The following BNC2 variants were observed in gnomAD, a reference collection of about 807,000 sequenced individuals.
BNC2 encodes the protein zinc finger protein basonuclin-2.
In BNC2, 20 loss-of-function variants were observed where a neutral mutation model predicts 76.3. That is an observed-to-expected ratio of 0.26 (90% CI 0.18 to 0.38). The LOEUF (loss-of-function observed/expected upper bound fraction) is 0.38. BNC2 is among the 10% of genes least tolerant of loss of function. BNC2 has a pLI of 1.00. For synonymous variants in BNC2, 582 were observed against 514.8 expected, an observed-to-expected ratio of 1.13 and a Z score of -1.77; for missense variants, 1,382 against 1,399.8, an observed-to-expected ratio of 0.99 and a Z score of 0.20.
intron 5 of BNC2, among the ~76,000 whole-genome samples, chr9:16,472,951 C>G (rs143952168): frequency 1.4e-3 from 206 of 152,274 alleles, no homozygotes; most frequent in African/African-American, 4.7e-3. Context: ...GGGTCATCCA[C>G]AGAGAGGCAG....
chr9:16,780,665 T>C (rs945942436), intron 1 of BNC2, among the ~76,000 whole-genome samples: 1 of 152,174 alleles, frequency 6.6e-6, no homozygotes, highest in Non-Finnish European at 1.5e-5. Flanking sequence ...TAACACTTAT[T>C]GGTTATCTAT....
intron 5 of BNC2, among the ~76,000 whole-genome samples, chr9:16,529,110 G>A (rs771233142): frequency 2.6e-5 from 4 of 152,076 alleles, no homozygotes; most frequent in Non-Finnish European, 5.9e-5. Context: ...TATCTTACAC[G>A]GATACACAGG....
intron 1 of BNC2, among the ~76,000 whole-genome samples, chr9:16,834,267 A>G (rs1215298042): frequency 6.6e-6 from 1 of 152,242 alleles, no homozygotes; most frequent in Admixed American, 6.5e-5. Flanking sequence ...AACTATACTA[A>G]TAAAAAATTC....
chr9:16,422,470 G>T (rs185725918), intron 6 of BNC2, among the ~76,000 whole-genome samples: 17 of 152,276 alleles, frequency 1.1e-4, no homozygotes, highest in Admixed American at 6.5e-4. Flanking sequence ...TTCAGTACAC[G>T]GGTTCATTCA....
At chr9:16,485,237 A>T (rs913730684) in intron 5 of BNC2, among the ~76,000 whole-genome samples, 5 of 152,302 alleles carry the variant, frequency 3.3e-5, no homozygotes, top group Non-Finnish European at 7.3e-5. Flanking sequence ...TAACCATCTA[A>T]TACAATTGTT....
intron 5 of BNC2, among the ~76,000 whole-genome samples, chr9:16,517,917 G>A (rs571021375): frequency 6.6e-6 from 1 of 151,826 alleles, no homozygotes; most frequent in Admixed American, 6.6e-5. Flanking sequence ...AAACCAATCC[G>A]AAATGGTACT....
chr9:16,609,669 A>C (rs1262786908), intron 3 of BNC2, among the ~76,000 whole-genome samples: 1 of 152,126 alleles, frequency 6.6e-6, no homozygotes, highest in Admixed American at 6.6e-5. Flanking sequence ...TGCTTTATGG[A>C]ATTTATCTAT....
rs539443015 is a variant in BNC2, at chr9:16,661,202, C to A, written c.330+66595G>T. Among the ~76,000 whole-genome samples the A allele has an allele frequency of 8.5e-5, 13 of 152,234 alleles. No individual in the cohort carries two copies. The South Asian group carries it at 2.7e-3, about 32-fold the overall frequency. On this transcript the variant is annotated intron_variant, in intron 3 of 6. Coordinates refer to ENST00000380672, the MANE Select transcript of BNC2 (RefSeq NM_017637.6). The stretch of plus-strand genomic sequence containing the variant: ...GTGAGCCCTTACCTCATTCCTGTAT[C>A]ATCAGAAGAACAGATGTAATGGGTA...
intron 3 of BNC2, among the ~76,000 whole-genome samples, chr9:16,655,847 G>A (rs1185915967): frequency 1.3e-5 from 2 of 152,206 alleles, no homozygotes; most frequent in Admixed American, 6.5e-5. Context: ...CAGTCAGGCA[G>A]CAAAGAACAC....
intron 3 of BNC2, among the ~76,000 whole-genome samples, chr9:16,583,687 C>T (rs1056592665): frequency 4.6e-5 from 7 of 151,954 alleles, no homozygotes; most frequent in Non-Finnish European, 1.0e-4. Flanking sequence ...ATTCTATTTT[C>T]GTTCCTGTTT....
At position 16,443,756 on chromosome 9, in the gene BNC2, C is replaced by T. The variant is rs943666260; in HGVS notation, c.670-6232G>A. On this transcript the variant is annotated intron_variant, in intron 5 of 6. Transcript: ENST00000380672. ...GACGTTAGACCCAAAGACATACATA[C>T]GCTACTGTTCCAAGCATATGAAATT... is the stretch of plus-strand genomic sequence containing the variant. 5.9e-5 allele frequency among the ~76,000 whole-genome samples: 9 copies of T among 152,198 alleles called. No individual in the cohort carries two copies. In the East Asian group the frequency reaches 1.4e-3, roughly 23 times the overall value.
At chr9:16,816,406 A>C (rs866550215) in intron 1 of BNC2, among the ~76,000 whole-genome samples, 4 of 152,178 alleles carry the variant, frequency 2.6e-5, no homozygotes, top group South Asian at 4.1e-4. Context: ...TTCAGTAGAG[A>C]ATACAAACAC....
rs535371695 is a variant in BNC2, at chr9:16,524,557, G to C, written c.669+27973C>G. On this transcript the variant is annotated intron_variant, in intron 5 of 6. Transcript: ENST00000380672. ...TCAGGATTATACCTAAAAATATTAG[G>C]AGCTTAAATTAGTCTATTTGCTAAA... Among the ~76,000 whole-genome samples, 9 of 152,100 alleles carry C rather than the reference G, an allele frequency of 5.9e-5. No homozygotes were observed. In the South Asian group the frequency reaches 1.2e-3, roughly 21 times the overall value.
intron 3 of BNC2, among the ~76,000 whole-genome samples, chr9:16,615,724 GCTTTT>G (rs1285132277): frequency 1.3e-5 from 2 of 152,114 alleles, no homozygotes; most frequent in Non-Finnish European, 2.9e-5. Context: ...AAATTTGTAT[GCTTTT>G]CTTTGTTAAT....
chr9:16,449,909 T>A (rs1251122411), intron 5 of BNC2, among the ~76,000 whole-genome samples: 3 of 152,080 alleles, frequency 2.0e-5, no homozygotes, highest in African/African-American at 7.2e-5. Flanking sequence ...ATTATTTTGA[T>A]AGCTGATATG....
At chr9:16,579,806 T>C (rs1433668471) in intron 4 of BNC2, 1 of 267,340 alleles carries the variant, frequency 3.7e-6, no homozygotes, top group Non-Finnish European at 6.9e-6. Context: ...TTAACAAGGA[T>C]AATTTATTCA....
At chr9:16,670,219 G>T (rs972048612) in intron 3 of BNC2, among the ~76,000 whole-genome samples, 1 of 152,128 alleles carries the variant, frequency 6.6e-6, no homozygotes, top group Admixed American at 6.5e-5. Context: ...TGCCAGTAAA[G>T]ATTTGGGTCT....
At chr9:16,531,409 AC>A (rs1385414175) in intron 5 of BNC2, among the ~76,000 whole-genome samples, 2 of 151,976 alleles carry the variant, frequency 1.3e-5, no homozygotes, top group African/African-American at 4.8e-5. Context: ...AAAAAAAAAA[AC>A]AAAAAACCAA....
At chr9:16,745,516 C>T (rs7866023) in intron 1 of BNC2, among the ~76,000 whole-genome samples, 75,136 of 152,060 alleles carry the variant, frequency 0.49, 23,760 homozygotes, top group East Asian at 0.98. Context: ...CTCTGCAGCA[C>T]GTACTTTCAT....
Sources: gnomAD v4.1 joint callset for allele counts (sites outside exome capture counted in the v4.1 genomes callset) on GRCh38, gnomAD v4.1.1 for gene constraint, MANE v1.5 for transcripts, NCBI Gene and HGNC (gene_info 2026-07-23, HGNC 2026-07-21) for gene names.